Variants in GRAMD1B observed in about 807,000 individuals in gnomAD.
GRAMD1B encodes the protein protein Aster-B.
A neutral mutation model predicts 99.7 loss-of-function variants in GRAMD1B; 37 were observed. That is an observed-to-expected ratio of 0.37 (90% CI 0.29 to 0.49). GRAMD1B has a LOEUF of 0.49. Ranked by LOEUF, GRAMD1B falls within the 20% of genes least tolerant of loss-of-function variation. GRAMD1B has a pLI of 0.98. For missense variants in GRAMD1B, 888 were observed against 1,009.2 expected (o/e 0.88, Z 1.63); for synonymous variants, 427 against 387.6 (o/e 1.10, Z -1.19).
At chr11:123,456,934 AAAAG>A in intron 1 of GRAMD1B, among the ~76,000 whole-genome samples, 1 of 149,414 alleles carries the variant, frequency 6.7e-6, no homozygotes, top group East Asian at 2.0e-4. Context: ...AAAAAAAAAA[AAAAG>A]AAAAAGAAAA....
intron 3 of GRAMD1B, chr11:123,578,567 C>A (rs1428420467): frequency 1.8e-5 from 12 of 675,660 alleles, no homozygotes; most frequent in Non-Finnish European, 3.1e-5. Flanking sequence ...AAGGGCCGGC[C>A]CCACTGTCCC....
intron 1 of GRAMD1B, among the ~76,000 whole-genome samples, chr11:123,360,943 A>T (rs146427741): frequency 1.3e-5 from 2 of 151,828 alleles, no homozygotes; most frequent in South Asian, 2.1e-4. Context: ...CAGCCTCCCG[A>T]GTAGCTGGGA....
intron 17 of GRAMD1B, among the ~76,000 whole-genome samples, chr11:123,616,873 G>A (rs900414336): frequency 5.3e-5 from 8 of 152,350 alleles, no homozygotes; most frequent in Non-Finnish European, 8.8e-5. Flanking sequence ...CCAAAGAGGC[G>A]GGTGTTCAGA....
At chr11:123,386,854 C>T (rs1947081435) in intron 1 of GRAMD1B, among the ~76,000 whole-genome samples, 1 of 152,230 alleles carries the variant, frequency 6.6e-6, no homozygotes, top group Non-Finnish European at 1.5e-5. Context: ...GCAGATGAAC[C>T]CCTTTCCTTG....
rs970229470 is a variant in GRAMD1B at position 123,610,108 on chromosome 11, G to A, written c.1777-88G>A. ...TTCTCCTGTTCAGAAGCCGTGGGGTGGGGTGGGCTTGGGGAGGCTGGAGAA... is the reference window on the plus strand; with the variant it reads ...TTCTCCTGTTCAGAAGCCGTGGGGTAGGGTGGGCTTGGGGAGGCTGGAGAA... On this transcript the variant is annotated intron_variant, in intron 13 of 19. Coordinates refer to ENST00000635736, the MANE Select transcript of GRAMD1B (RefSeq NM_001387025.1). This position sits in a 1 kb window ranked among gnomAD's most constrained non-coding sequence, Gnocchi z 4.1. 10 of 1,243,706 alleles carry A rather than the reference G, an allele frequency of 8.0e-6. No homozygotes were observed. The Admixed American group carries it at 1.9e-4, about 24-fold the overall frequency. 77.0% of individuals were successfully genotyped at this position (1,243,706 alleles called of 1,614,324 possible). A position where few individuals can be genotyped will look rare whatever the true frequency, so the allele number is the denominator to read the frequency against.
At chr11:123,442,253 T>A (rs1170976159) in intron 1 of GRAMD1B, among the ~76,000 whole-genome samples, 1 of 151,944 alleles carries the variant, frequency 6.6e-6, no homozygotes, top group African/African-American at 2.4e-5. Flanking sequence ...GTACTTTTTC[T>A]TTTTTTATTT....
chr11:123,396,248 A>AT (rs377433515), intron 1 of GRAMD1B, among the ~76,000 whole-genome samples: 5 of 114,684 alleles, frequency 4.4e-5, no homozygotes, highest in East Asian at 2.5e-4. Context: ...CCCCATATGC[A>AT]TTTTTTTCTT....
At chr11:123,491,453 G>A (rs1591695456) in intron 2 of GRAMD1B, among the ~76,000 whole-genome samples, 1 of 152,046 alleles carries the variant, frequency 6.6e-6, no homozygotes, top group Non-Finnish European at 1.5e-5. Flanking sequence ...TGGGAGCAGT[G>A]CTCCCTGCCC....
intron 8 of GRAMD1B, among the ~76,000 whole-genome samples, chr11:123,602,341 G>T (rs1952089081): frequency 6.9e-6 from 1 of 144,422 alleles, no homozygotes; most frequent in Non-Finnish European, 1.6e-5. Flanking sequence ...TACTCCCAAT[G>T]GAATATTGTT....
At chr11:123,597,303 C>T (rs1334044029) in intron 7 of GRAMD1B, among the ~76,000 whole-genome samples, 1 of 120,098 alleles carries the variant, frequency 8.3e-6, no homozygotes, top group Non-Finnish European at 1.6e-5. Flanking sequence ...CAGGCTCTCA[C>T]TATGTTACCT....
At chr11:123,607,660 A>C (rs1384670931) in intron 11 of GRAMD1B, 1 of 146,826 alleles carries the variant, frequency 6.8e-6, no homozygotes, top group African/African-American at 2.5e-5. Flanking sequence ...GCACTTGTGC[A>C]GTACCCATCT....
chr11:123,522,287 C>T (rs185237490), intron 2 of GRAMD1B, among the ~76,000 whole-genome samples: 1 of 152,294 alleles, frequency 6.6e-6, no homozygotes, highest in East Asian at 1.9e-4. Flanking sequence ...AATGTCTCTT[C>T]AAAGCTATGT....
In GRAMD1B at chr11:123,368,275, A is replaced by AAAAAAG. The variant is rs60644137; in HGVS notation, c.-176+9479_-176+9480insAAGAAA. 7.5e-3 allele frequency among the ~76,000 whole-genome samples: 949 copies of AAAAAAG among 127,092 alleles called. 14 individuals carry two copies. Among genetic ancestry groups the AAAAAAG allele is most frequent in the African/African-American group, 0.031 (839 of 27,466 alleles). 83.4% of individuals were successfully genotyped at this position (127,092 alleles called of 152,430 possible). ...TCTTAAAACAAAAAAAAAAAAAAAA[A>AAAAAAG]AAAGAAAGAAAGAGGAGGGTCCCTA... On this transcript the variant is annotated intron_variant, in intron 1 of 20. Transcript: ENST00000638157.
chr11:123,504,970 C>T (rs756907573), intron 2 of GRAMD1B, among the ~76,000 whole-genome samples: 1 of 152,160 alleles, frequency 6.6e-6, no homozygotes, highest in Admixed American at 6.5e-5. Context: ...GCTTGAGCCA[C>T]CATGCCCAAC....
At position 123,587,595 on chromosome 11, in the gene GRAMD1B, G is replaced by T. The variant is rs1950197599; in HGVS notation, c.684+3263G>T. On this transcript the variant is annotated intron_variant, in intron 4 of 19. Coordinates refer to ENST00000635736, the MANE Select transcript of GRAMD1B (RefSeq NM_001387025.1). This position sits in a 1 kb window ranked among gnomAD's most constrained non-coding sequence, Gnocchi z 4.2. ...CAGGGGTTTCCTTCCTTGGCCTCCT[G>T]GCGCATTCCTGCGGGCAGTCTTCTC... is the stretch of plus-strand genomic sequence containing the variant. Among the ~76,000 whole-genome samples, 1 of 152,212 alleles carries T rather than the reference G, an allele frequency of 6.6e-6. No homozygotes were observed. The highest frequency in any genetic ancestry group is 2.4e-5 in the African/African-American group (1 of 41,448).
intron 4 of GRAMD1B, among the ~76,000 whole-genome samples, chr11:123,589,342 G>C (rs981209154): frequency 6.6e-6 from 1 of 151,758 alleles, no homozygotes; most frequent in Non-Finnish European, 1.5e-5. Flanking sequence ...ATCTAGAGAG[G>C]GTTGTAGGAG....
chr11:123,464,660 T>G (rs1298166609), intron 1 of GRAMD1B, among the ~76,000 whole-genome samples: 1 of 152,220 alleles, frequency 6.6e-6, no homozygotes, highest in East Asian at 1.9e-4. Flanking sequence ...TGGGAACCTT[T>G]TTCTTTTCTT....
chr11:123,549,377 C>T (rs1333345786), intron 2 of GRAMD1B, among the ~76,000 whole-genome samples: 1 of 152,048 alleles, frequency 6.6e-6, no homozygotes, highest in Non-Finnish European at 1.5e-5. Context: ...ACCATCTCTA[C>T]TAAAAATACA....
Position 123,583,003 on chromosome 11 carries a change from C to T in GRAMD1B, c.664-1309C>T, listed in dbSNP as rs545809673. 1.9e-4 allele frequency among the ~76,000 whole-genome samples: 28 copies of T among 151,028 alleles called. No individual in the cohort carries two copies. In the South Asian group the frequency reaches 1.9e-3, roughly 10 times the overall value. ...GCTTAGGCATGTGTGTGTGTGCATG[C>T]GCAAGTGTGTGCGTGTGTATGTGTG... On this transcript the variant is annotated intron_variant, in intron 3 of 19. Transcript: ENST00000635736.
Sources: gnomAD v4.1 joint callset for allele counts (sites outside exome capture counted in the v4.1 genomes callset) on GRCh38, gnomAD v4.1.1 for gene constraint, Gnocchi (gnomAD v3.1) non-coding constraint, MANE v1.5 for transcripts, NCBI Gene and HGNC (gene_info 2026-07-23, HGNC 2026-07-21) for gene names.